The following ZMYM2 variants were observed in gnomAD, a reference collection of about 807,000 sequenced individuals.
ZMYM2 encodes zinc finger MYM-type protein 2.
In ZMYM2, 56 loss-of-function variants were observed where a neutral mutation model predicts 162.8. The observed-to-expected ratio is 0.34, with a 90% CI of 0.28 to 0.43. The LOEUF is 0.43. Among genes scored for constraint, ZMYM2 ranks in the 20% least tolerant of loss-of-function variants. ZMYM2 has a pLI of 1.00. For synonymous variants in ZMYM2, 510 were observed against 541.6 expected, an observed-to-expected ratio of 0.94 and a Z score of 0.81; for missense variants, 1,275 against 1,621.8, an observed-to-expected ratio of 0.79 and a Z score of 3.67.
Position 20,061,131 on chromosome 13 carries a change from A to C in ZMYM2, c.2818A>C (p.Lys940Gln). 6.2e-7 allele frequency: 1 copy of C among 1,613,482 alleles called. No individual in the cohort carries two copies. Among genetic ancestry groups the C allele is most frequent in the Non-Finnish European group, 8.5e-7 (1 of 1,179,692 alleles). ...TGCAGCAATTGAGGAGCTAAAAAGCAAGGTTTCTTCAGATGCTCTTGATAC... is the reference window on the plus strand; with the variant it reads ...TGCAGCAATTGAGGAGCTAAAAAGCCAGGTTTCTTCAGATGCTCTTGATAC... Reference protein sequence around the residue: ...IPAAIEELKSKVSSDALDTEL... With the variant: ...IPAAIEELKSQVSSDALDTEL... Residue 940 changes from lysine to glutamine, a missense_variant, in exon 17 of 25, where the codon AAG becomes CAG. Transcript: ENST00000610343.
intron 12 of ZMYM2, among the ~76,000 whole-genome samples, chr13:20,041,778 A>T (rs1023229119): frequency 6.6e-6 from 1 of 151,794 alleles, no homozygotes; most frequent in Non-Finnish European, 1.5e-5. Context: ...TCTGAAAAGG[A>T]TCTTATTTCT....
chr13:19,963,770 A>G (rs1414774494), intron 2 of ZMYM2, among the ~76,000 whole-genome samples: 1 of 152,170 alleles, frequency 6.6e-6, no homozygotes, highest in Non-Finnish European at 1.5e-5. Flanking sequence ...ATCAAGCTTT[A>G]CACAATACTT....
chr13:20,074,196 TTGTGTGTGTG>T (rs59855358), intron 21 of ZMYM2, among the ~76,000 whole-genome samples: 20 of 141,608 alleles, frequency 1.4e-4, no homozygotes, highest in South Asian at 4.6e-4. Flanking sequence ...ATGTCAGAAT[TTGTGTGTGTG>T]TGTGTGTGTG....
upstream of ZMYM2, among the ~76,000 whole-genome samples, chr13:19,957,355 A>G (rs1433149746): frequency 3.3e-5 from 5 of 152,248 alleles, no homozygotes; most frequent in Non-Finnish European, 5.9e-5. Context: ...GAAGTCGCCC[A>G]TCCATTTGGG....
intron 2 of ZMYM2, among the ~76,000 whole-genome samples, chr13:19,975,401 C>T (rs1306144668): frequency 6.6e-6 from 1 of 152,158 alleles, no homozygotes; most frequent in Non-Finnish European, 1.5e-5. Context: ...ATCGAACTAC[C>T]TCATGAATGG....
rs568867429 is a variant in ZMYM2 at position 20,087,865 on chromosome 13, C to T, written c.*1851C>T. ...AATACAAAAATTTTCTCTAACTTACCTTTTTCCAGAACTACTTCTTTAAGC... is the reference window on the plus strand; with the variant it reads ...AATACAAAAATTTTCTCTAACTTACTTTTTTCCAGAACTACTTCTTTAAGC... On this transcript the variant is annotated 3_prime_UTR_variant, in exon 25 of 25. Coordinates refer to ENST00000610343, the MANE Select transcript of ZMYM2 (RefSeq NM_197968.4). 5 of 187,880 alleles carry T rather than the reference C, an allele frequency of 2.7e-5. No homozygotes were observed. The East Asian group carries it at 4.3e-4, about 16-fold the overall frequency. The allele number at this position is 187,880 out of a possible 1,614,324, so 11.6% of individuals were successfully genotyped here. A position where few individuals can be genotyped will look rare whatever the true frequency, so the allele number is the denominator to read the frequency against.
chr13:19,914,464 G>T, the ZMYM2 span, among the ~76,000 whole-genome samples: 8 of 152,142 alleles, frequency 5.3e-5, no homozygotes, highest in Admixed American at 5.2e-4. Context: ...ACCACTGAGT[G>T]CCCAATCTGC....
At chr13:19,899,904 T>G in the ZMYM2 span, among the ~76,000 whole-genome samples, 2,896 of 150,372 alleles carry the variant, frequency 0.019, 98 homozygotes, top group African/African-American at 0.067. Flanking sequence ...CAAAATTGAT[T>G]AATCTTTAAG....
intron 21 of ZMYM2, among the ~76,000 whole-genome samples, chr13:20,068,827 AAG>A (rs1214033274): frequency 6.6e-6 from 1 of 152,168 alleles, no homozygotes; most frequent in Non-Finnish European, 1.5e-5. Flanking sequence ...ACTCAGCAGG[AAG>A]AGAGTTTGAG....
At chr13:20,054,668 G>C (rs1334683618) in intron 14 of ZMYM2, among the ~76,000 whole-genome samples, 1 of 152,144 alleles carries the variant, frequency 6.6e-6, no homozygotes, top group African/African-American at 2.4e-5. Flanking sequence ...AAACAAGTTT[G>C]GTTCAAGTGT....
At chr13:19,934,074 T>C in the ZMYM2 span, among the ~76,000 whole-genome samples, 1 of 152,208 alleles carries the variant, frequency 6.6e-6, no homozygotes, top group African/African-American at 2.4e-5. Context: ...CCGCTTTCTA[T>C]AGGACTTGTA....
intron 3 of ZMYM2, among the ~76,000 whole-genome samples, chr13:19,995,239 T>G (rs897158605): frequency 6.6e-6 from 1 of 152,152 alleles, no homozygotes; most frequent in African/African-American, 2.4e-5. Context: ...CTAAAACTAC[T>G]TTAAAGTTAT....
intron 21 of ZMYM2, among the ~76,000 whole-genome samples, chr13:20,081,039 T>C (rs1309588396): frequency 3.9e-5 from 6 of 152,236 alleles, no homozygotes; most frequent in Non-Finnish European, 1.5e-5. Flanking sequence ...TAGTGTAATA[T>C]GATCACTGCT....
intron 21 of ZMYM2, chr13:20,068,309 A>T (rs1166738092): frequency 5.6e-6 from 1 of 177,030 alleles, no homozygotes; most frequent in African/African-American, 2.4e-5. Flanking sequence ...GAAAAGCAGA[A>T]TTTTTTTCAT....
At chr13:19,954,126 ATT>A (rs781288600), upstream of ZMYM2, among the ~76,000 whole-genome samples, 18 of 64,910 alleles carry the variant, frequency 2.8e-4, 1 homozygote, top group East Asian at 1.8e-3. Flanking sequence ...GCTATGTTTA[ATT>A]TTTTTTTTTT....
At chr13:19,918,645 C>T in the ZMYM2 span, among the ~76,000 whole-genome samples, 32 of 151,374 alleles carry the variant, frequency 2.1e-4, no homozygotes, top group South Asian at 6.5e-3. Flanking sequence ...ATTACAGGCG[C>T]CTGCCACCAC....
At chr13:19,951,777 A>C in the ZMYM2 span, among the ~76,000 whole-genome samples, 45 of 152,140 alleles carry the variant, frequency 3.0e-4, no homozygotes, top group Non-Finnish European at 5.6e-4. Context: ...ACCCTTGCAC[A>C]CTGTTGCTAG....
At position 20,066,937 on chromosome 13, in the gene ZMYM2, G is replaced by A. The variant is rs202171881; in HGVS notation, c.3219G>A (p.Thr1073=). Residue 1073 remains threonine, a synonymous_variant, in exon 20 of 25, where the codon ACG becomes ACA. Coordinates refer to ENST00000610343, the MANE Select transcript of ZMYM2 (RefSeq NM_197968.4). ...NSECSFPFKY[T]YGVNAWKHWV... ...AATGCAGCTTTCCTTTCAAATATACGTATGGCGTAAATGCATGGAAACACT... is the reference window on the plus strand; with the variant it reads ...AATGCAGCTTTCCTTTCAAATATACATATGGCGTAAATGCATGGAAACACT... 130 of 1,613,440 alleles carry A rather than the reference G, an allele frequency of 8.1e-5. No homozygotes were observed. In the African/African-American group the frequency reaches 1.4e-3, roughly 18 times the overall value.
chr13:20,015,381 A>C (rs931822980), intron 6 of ZMYM2, among the ~76,000 whole-genome samples: 4 of 152,190 alleles, frequency 2.6e-5, no homozygotes, highest in African/African-American at 9.6e-5. Flanking sequence ...AACATAGTTC[A>C]TTCTGGAAAT....
Sources: allele counts gnomAD v4.1 joint callset (sites outside exome capture counted in the v4.1 genomes callset), GRCh38; gene constraint gnomAD v4.1.1; transcripts MANE v1.5; gene names NCBI Gene and HGNC (gene_info 2026-07-23, HGNC 2026-07-21).